CTNND1: variants seen among roughly 807,000 people sequenced by gnomAD.
The protein encoded by CTNND1 is catenin delta 1.
Under a neutral mutation model 112.1 loss-of-function variants are expected in CTNND1, and 16 were observed. The observed-to-expected ratio is 0.14, with a 90% CI of 0.10 to 0.22. The LOEUF is 0.22. Ranked by LOEUF, CTNND1 falls within the 10% of genes least tolerant of loss-of-function variation. CTNND1 has a pLI of 1.00. For synonymous variants in CTNND1, 420 were observed against 446.5 expected (o/e 0.94, Z 0.75); for missense variants, 1,008 against 1,257.0 (o/e 0.80, Z 3.00).
At chr11:57,784,523 A>G (rs527505041) in intron 1 of CTNND1, among the ~76,000 whole-genome samples, 2 of 151,934 alleles carry the variant, frequency 1.3e-5, no homozygotes, top group South Asian at 2.1e-4. Flanking sequence ...GTTGTTTTTG[A>G]GACAGAGTCT....
chr11:57,809,691 T>A (rs116997962), intron 15 of CTNND1, among the ~76,000 whole-genome samples: 1 of 152,334 alleles, frequency 6.6e-6, no homozygotes, highest in East Asian at 1.9e-4. Flanking sequence ...TGGTAAAAAT[T>A]TGATTTAACC....
At position 57,761,906 on chromosome 11, in the gene CTNND1, G is replaced by A. The variant is rs1218392381; in HGVS notation, c.-427G>A. 6.1e-6 allele frequency: 6 copies of A among 985,266 alleles called. No homozygotes were observed. Among genetic ancestry groups the A allele is most frequent in the African/African-American group, 1.7e-5 (1 of 57,206 alleles). 61.0% of individuals were successfully genotyped at this position (985,266 alleles called of 1,614,324 possible). ...AAAAAAAGAGAGAGGGAGAGAGAGA[G>A]AAAGAAGAGCAGGAAAGATCCCGAA... On this transcript the variant is annotated 5_prime_UTR_variant, in exon 1 of 21. Transcript: ENST00000399050.
At chr11:57,798,854 G>A (rs1211015690) in intron 6 of CTNND1, among the ~76,000 whole-genome samples, 1 of 152,140 alleles carries the variant, frequency 6.6e-6, no homozygotes, top group Non-Finnish European at 1.5e-5. Flanking sequence ...GCATTATGGG[G>A]ATGTACAAAA....
At chr11:57,795,822 T>A in intron 5 of CTNND1, 93 bp downstream of exon 5, 2 of 1,258,928 alleles carry the variant, frequency 1.6e-6, no homozygotes, top group Non-Finnish European at 2.1e-6. Context: ...GATGGAGGAC[T>A]GATATGCCAT....
intron 1 of CTNND1, among the ~76,000 whole-genome samples, chr11:57,763,041 A>G (rs1281212273): frequency 6.6e-6 from 1 of 152,312 alleles, no homozygotes; most frequent in Non-Finnish European, 1.5e-5. Flanking sequence ...GGAGATTTTT[A>G]TTTTTAAACC....
At chr11:57,772,184 G>A (rs1182690344) in intron 1 of CTNND1, among the ~76,000 whole-genome samples, 11 of 148,494 alleles carry the variant, frequency 7.4e-5, no homozygotes, top group African/African-American at 2.2e-4. Context: ...TGCCTGCCTC[G>A]CCCTCCCAAA....
Position 57,816,350 on chromosome 11 carries a change from T to C in CTNND1, c.*42T>C. The C allele has an allele frequency of 6.2e-7, 1 of 1,611,264 alleles. No individual in the cohort carries two copies. Among genetic ancestry groups the C allele is most frequent in the Non-Finnish European group, 8.5e-7 (1 of 1,177,874 alleles). On this transcript the variant is annotated 3_prime_UTR_variant, in exon 21 of 21. Coordinates refer to ENST00000399050, the MANE Select transcript of CTNND1 (RefSeq NM_001085458.2). Reference sequence around the variant, plus strand: ...CCATCTGGGCTTATATGTACTTTTATTTTTTGGTGGTGAAATTGACTGATG... The same window carrying C: ...CCATCTGGGCTTATATGTACTTTTACTTTTTGGTGGTGAAATTGACTGATG...
In CTNND1 at chr11:57,791,509, A is replaced by T; in HGVS notation, c.31A>T (p.Ser11Cys). The change falls in exon 3 of 21, where the codon AGC becomes TGC. Residue 11 changes from serine (S) to cysteine (C), a missense_variant. Around this residue, in one of 5 missense-constraint regions of CTNND1, gnomAD observed 404 missense variants for 457.9 expected, o/e 0.88. Transcript: ENST00000399050. ...CGACTCAGAGGTGGAGTCGACCGCC[A>T]GCATCTTGGCCTCTGTGAAGGAACA... MDDSEVESTA[S>C]ILASVKEQEA... The T allele has an allele frequency of 6.3e-7, 1 of 1,578,986 alleles. No homozygotes were observed. Among genetic ancestry groups the T allele is most frequent in the African/African-American group, 1.4e-5 (1 of 73,612 alleles).
At chr11:57,813,051 C>T (rs2063556435) in intron 17 of CTNND1, among the ~76,000 whole-genome samples, 1 of 152,108 alleles carries the variant, frequency 6.6e-6, no homozygotes, top group African/African-American at 2.4e-5. Context: ...CTTTTCTAGG[C>T]TGAGTGTAGT....
rs964994119 is a variant in CTNND1, at chr11:57,782,174, T to A, written c.-213-6863T>A. Among the ~76,000 whole-genome samples the A allele has an allele frequency of 2.0e-5, 3 of 152,180 alleles. No homozygotes were observed. In the South Asian group the frequency reaches 6.2e-4, roughly 32 times the overall value. On this transcript the variant is annotated intron_variant, in intron 1 of 20. Transcript: ENST00000399050. ...CTCAAATTCCTTTTAACAAGGAGTATTATCTTGTTTATATCTTTGTTTTTT... is the reference window on the plus strand; with the variant it reads ...CTCAAATTCCTTTTAACAAGGAGTAATATCTTGTTTATATCTTTGTTTTTT...
At chr11:57,813,287 T>C (rs1033187456) in intron 17 of CTNND1, among the ~76,000 whole-genome samples, 1 of 152,204 alleles carries the variant, frequency 6.6e-6, no homozygotes, top group Non-Finnish European at 1.5e-5. Context: ...ATTGTGCTAC[T>C]GCATTCCAGC....
chr11:57,792,451 A>ATG (rs1056709309), intron 3 of CTNND1, among the ~76,000 whole-genome samples: 2 of 152,020 alleles, frequency 1.3e-5, no homozygotes, highest in African/African-American at 2.4e-5. Flanking sequence ...GCACTCGCGC[A>ATG]TGTGTGTGTG....
chr11:57,803,710 C>T lies in CTNND1; in HGVS notation c.1510C>T (p.Pro504Ser). The change falls in exon 8 of 21, where the codon CCT becomes TCT. Residue 504 changes from proline (P) to serine (S), a missense_variant. Coordinates refer to ENST00000399050, the MANE Select transcript of CTNND1 (RefSeq NM_001085458.2). ...TGCCTTGACAGATGAAGTGATCATT[C>T]CTCATTCTGGTTGGGAGCGGGAACC... is the stretch of plus-strand genomic sequence containing the variant. ...LHALTDEVII[P>S]HSGWEREPNE... 2.5e-6 allele frequency: 4 copies of T among 1,613,666 alleles called. No homozygotes were observed. Among genetic ancestry groups the T allele is most frequent in the Middle Eastern group, 1.6e-4 (1 of 6,062 alleles).
chr11:57,769,341 G>C (rs1303661054), intron 1 of CTNND1, among the ~76,000 whole-genome samples: 1 of 151,874 alleles, frequency 6.6e-6, no homozygotes, highest in Non-Finnish European at 1.5e-5. Flanking sequence ...AAAACAGAGA[G>C]ACAGAGTCTT....
intron 12 of CTNND1, 80 bp downstream of exon 12, chr11:57,807,063 T>C (rs2062761846): frequency 9.1e-7 from 1 of 1,100,012 alleles, no homozygotes; most frequent in Non-Finnish European, 1.3e-6. Flanking sequence ...CAGCAGACTT[T>C]ATGTAATACG....
At chr11:57,790,034 A>C (rs2060523632) in intron 2 of CTNND1, among the ~76,000 whole-genome samples, 2 of 152,168 alleles carry the variant, frequency 1.3e-5, no homozygotes, top group African/African-American at 2.4e-5. Flanking sequence ...ATAATATTTA[A>C]CAAACTATAG....
chr11:57,773,166 T>C (rs1395907666), intron 1 of CTNND1, among the ~76,000 whole-genome samples: 1 of 152,206 alleles, frequency 6.6e-6, no homozygotes, highest in East Asian at 1.9e-4. Context: ...TGTGGTTGTC[T>C]TGAGAGTTTT....
intron 1 of CTNND1, among the ~76,000 whole-genome samples, chr11:57,771,132 AGTT>A (rs1312268644): frequency 3.3e-5 from 5 of 152,278 alleles, no homozygotes; most frequent in African/African-American, 1.2e-4. Context: ...AAGAAAAGAA[AGTT>A]GTTTTTTTTT....
chr11:57,790,713 A>C (rs912176584), intron 2 of CTNND1, among the ~76,000 whole-genome samples: 1 of 146,448 alleles, frequency 6.8e-6, no homozygotes, highest in Non-Finnish European at 1.5e-5. Flanking sequence ...TCCCGCCACC[A>C]CGCCCGGCCT....
Sources: allele counts gnomAD v4.1 joint callset (sites outside exome capture counted in the v4.1 genomes callset), GRCh38; gene constraint gnomAD v4.1.1; regional missense constraint gnomAD v4.1.1; transcripts MANE v1.5; gene names NCBI Gene and HGNC (gene_info 2026-07-23, HGNC 2026-07-21).